Variants in HDAC8 observed in about 807,000 individuals in gnomAD.
HDAC8 encodes the protein histone deacetylase-like 1.
Under a neutral mutation model 32.2 loss-of-function variants are expected in HDAC8, and 1 was observed. The ratio of observed to expected loss-of-function variants is 0.03; its 90% CI spans 0.01 to 0.15. The LOEUF is 0.15. HDAC8 is among the 10% of genes least tolerant of loss of function. HDAC8 has a pLI of 1.00. For synonymous variants in HDAC8, 108 were observed against 113.9 expected (o/e 0.95, Z 0.33); for missense variants, 117 against 300.0 (o/e 0.39, Z 4.51).
At chrX:72,367,753 T>C (rs2044744258) in intron 9 of HDAC8, among the ~76,000 whole-genome samples, 1 of 112,676 alleles carries the variant, frequency 8.9e-6, no homozygotes, top group South Asian at 3.6e-4. Context: ...ACCATTCAGC[T>C]GACAACAGAC....
intron 4 of HDAC8, among the ~76,000 whole-genome samples, chrX:72,532,771 A>G (rs2050393441): frequency 9.0e-6 from 1 of 111,411 alleles, no homozygotes; most frequent in South Asian, 3.8e-4. Context: ...ATTCTGGATA[A>G]AAGACCCTTC....
chrX:72,449,451 G>A (rs1406644454), intron 9 of HDAC8, among the ~76,000 whole-genome samples: 8 of 110,580 alleles, frequency 7.2e-5, no homozygotes, highest in African/African-American at 2.0e-4. Context: ...AGGGGAGGGA[G>A]AGCATTAGGA....
intron 10 of HDAC8, among the ~76,000 whole-genome samples, chrX:72,338,159 T>C (rs2043767384): frequency 8.9e-6 from 1 of 111,816 alleles, no homozygotes; most frequent in African/African-American, 3.3e-5. Context: ...TGCTCGCTGT[T>C]GGCTTCCTCT....
At chrX:72,348,868 T>C (rs1405920632) in intron 10 of HDAC8, among the ~76,000 whole-genome samples, 16 of 111,772 alleles carry the variant, frequency 1.4e-4, no homozygotes, top group Non-Finnish European at 1.9e-5. Context: ...TATTTTCTCA[T>C]TGTAATATAC....
intron 7 of HDAC8, among the ~76,000 whole-genome samples, chrX:72,484,553 T>G (rs2048610951): frequency 8.9e-6 from 1 of 112,459 alleles, no homozygotes. Flanking sequence ...GGTTTTCTTA[T>G]GCGATATCTA....
At chrX:72,390,627 G>T (rs1344994545) in intron 9 of HDAC8, among the ~76,000 whole-genome samples, 1 of 111,539 alleles carries the variant, frequency 9.0e-6, no homozygotes, top group East Asian at 2.8e-4. Flanking sequence ...TGGTATAGTG[G>T]CCACCAGAAA....
At chrX:72,524,777 A>G (rs1448749353) in intron 4 of HDAC8, among the ~76,000 whole-genome samples, 4 of 110,729 alleles carry the variant, frequency 3.6e-5, no homozygotes, top group Non-Finnish European at 5.7e-5. Context: ...CCCTTTTCCC[A>G]TGTCTGACAA....
intron 9 of HDAC8, among the ~76,000 whole-genome samples, chrX:72,456,815 G>A (rs2047733193): frequency 9.1e-6 from 1 of 110,484 alleles, no homozygotes; most frequent in Non-Finnish European, 1.9e-5. Context: ...AACAAAAAAC[G>A]AAACAAAAAC....
chrX:72,499,861 A>C (rs1271862050), intron 4 of HDAC8, among the ~76,000 whole-genome samples: 3 of 111,826 alleles, frequency 2.7e-5, no homozygotes, highest in Non-Finnish European at 5.6e-5. Context: ...TTTTTGAAAA[A>C]ATTAATAAGA....
intron 7 of HDAC8, among the ~76,000 whole-genome samples, chrX:72,470,163 TACATAC>T (rs1555996882): frequency 3.5e-4 from 36 of 103,034 alleles, no homozygotes; most frequent in African/African-American, 1.4e-3. Flanking sequence ...CATACATACA[TACATAC>T]ATACATACAT....
chrX:72,387,699 G>C (rs1378473998), intron 9 of HDAC8, among the ~76,000 whole-genome samples: 1 of 112,062 alleles, frequency 8.9e-6, no homozygotes, highest in Non-Finnish European at 1.9e-5. Flanking sequence ...ACTTAAAACA[G>C]TGCCAGGCAC....
intron 4 of HDAC8, among the ~76,000 whole-genome samples, chrX:72,535,967 C>A (rs1326702390): frequency 8.9e-6 from 1 of 111,948 alleles, no homozygotes; most frequent in African/African-American, 3.2e-5. Context: ...GTATAATGAT[C>A]TAGGGAAGGA....
chrX:72,515,268 A>G lies in HDAC8; in HGVS notation c.438-20000T>C, dbSNP rs1468236589. ...TTTGAGTCTGACCTTTTTAGATTTC[A>G]CATATAAGTGAAATCACGTGGTACT... On this transcript the variant is annotated intron_variant, in intron 4 of 10. Transcript: ENST00000373573. 7.2e-5 allele frequency among the ~76,000 whole-genome samples: 8 copies of G among 111,107 alleles called. 1 individual carries two copies. Among genetic ancestry groups the G allele is most frequent in the Admixed American group, 3.8e-4 (4 of 10,454 alleles).
intron 9 of HDAC8, among the ~76,000 whole-genome samples, chrX:72,438,471 T>G (rs919862696): frequency 9.0e-6 from 1 of 111,186 alleles, no homozygotes; most frequent in African/African-American, 3.3e-5. Context: ...GTTTGATGAA[T>G]TGACAAAAGT....
intron 9 of HDAC8, among the ~76,000 whole-genome samples, chrX:72,397,562 TG>T (rs2045796356): frequency 9.0e-6 from 1 of 111,616 alleles, no homozygotes; most frequent in Non-Finnish European, 1.9e-5. Flanking sequence ...ACATGACCAG[TG>T]CCATTGATGC....
intron 9 of HDAC8, among the ~76,000 whole-genome samples, chrX:72,375,624 GA>G (rs1358302784): frequency 2.7e-5 from 3 of 110,880 alleles, no homozygotes; most frequent in Non-Finnish European, 3.8e-5. Context: ...AAGGGAGGAA[GA>G]GAGAGAGATA....
At chrX:72,508,958 G>T (rs1291651602) in intron 4 of HDAC8, among the ~76,000 whole-genome samples, 2 of 111,992 alleles carry the variant, frequency 1.8e-5, no homozygotes, top group Non-Finnish European at 3.8e-5. Context: ...ACAACCTGAT[G>T]AATTTGGAGT....
At chrX:72,511,738 T>C (rs1307266187) in intron 4 of HDAC8, among the ~76,000 whole-genome samples, 1 of 112,003 alleles carries the variant, frequency 8.9e-6, no homozygotes, top group African/African-American at 3.2e-5. Flanking sequence ...CTAGAGTAAT[T>C]TTTGACACAC....
intron 4 of HDAC8, among the ~76,000 whole-genome samples, chrX:72,565,097 TAAAG>T (rs781809094): frequency 5.7e-4 from 64 of 112,221 alleles, no homozygotes; most frequent in Middle Eastern, 4.6e-3. Context: ...TATTTTGAAA[TAAAG>T]AATCTTTTTC....
Sources: gnomAD v4.1 joint callset for allele counts (sites outside exome capture counted in the v4.1 genomes callset) on GRCh38, gnomAD v4.1.1 for gene constraint, MANE v1.5 for transcripts, NCBI Gene and HGNC (gene_info 2026-07-23, HGNC 2026-07-21) for gene names.